RABGGTB: variants seen among roughly 807,000 people sequenced by gnomAD.
RABGGTB encodes geranylgeranyl transferase type-2 subunit beta.
A neutral mutation model predicts 44.5 loss-of-function variants in RABGGTB; 20 were observed. The ratio of observed to expected loss-of-function variants is 0.45; its 90% CI spans 0.32 to 0.65. The LOEUF (loss-of-function observed/expected upper bound fraction) is 0.65, where lower values mean the gene tolerates loss of function less well. Ranked by LOEUF, RABGGTB falls within the 30% of genes least tolerant of loss-of-function variation. The pLI is 0.05. For synonymous variants in RABGGTB, 128 were observed against 136.7 expected (o/e 0.94, Z 0.44); for missense variants, 302 against 398.7 (o/e 0.76, Z 2.06).
intron 4 of RABGGTB, chr1:75,790,314 A>T: frequency 8.1e-7 from 1 of 1,236,420 alleles, no homozygotes; most frequent in Non-Finnish European, 1.0e-6. Flanking sequence ...GTGGCTTTGT[A>T]AAGTTTTTTA....
chr1:75,791,002 C>G (rs1399388696), intron 4 of RABGGTB, among the ~76,000 whole-genome samples: 2 of 152,120 alleles, frequency 1.3e-5, no homozygotes, highest in Non-Finnish European at 2.9e-5. Flanking sequence ...GTTGCCTCGG[C>G]TAGTCTCAAA....
At chr1:75,789,388 A>G (rs1292323937) in intron 3 of RABGGTB, 32 bp downstream of exon 3, 1 of 1,587,028 alleles carries the variant, frequency 6.3e-7, no homozygotes, top group Admixed American at 1.7e-5. Context: ...AACGATCTTG[A>G]TAGTATGTTC....
At chr1:75,789,792 C>T in intron 3 of RABGGTB, 160 bp from the exon 4 acceptor site, 1 of 601,488 alleles carries the variant, frequency 1.7e-6, no homozygotes, top group Non-Finnish European at 2.9e-6. Flanking sequence ...TTTCTTGATA[C>T]TATCTAATTT....
At chr1:75,788,851 C>G (rs572361009) in intron 2 of RABGGTB, 3 of 352,126 alleles carry the variant, frequency 8.5e-6, no homozygotes, top group Admixed American at 8.9e-5. Context: ...CTGAACTTCA[C>G]TGATGAAAAA....
At position 75,786,285 on chromosome 1, in the gene RABGGTB, G is replaced by A. The variant is rs973703212; in HGVS notation, c.3+11G>A. On this transcript the variant is annotated intron_variant, in intron 1 of 8. Transcript: ENST00000319942. ...TCCCTGTTAGACATGGTAAGTGTGA[G>A]TTTAGCGCTGCTGTCCGGATGGGTT... 6 of 1,614,098 alleles carry A rather than the reference G, an allele frequency of 3.7e-6. No individual in the cohort carries two copies. The African/African-American group carries it at 5.3e-5, about 14-fold the overall frequency.
Position 75,792,173 on chromosome 1 carries a change from A to G in RABGGTB, c.580-8A>G. 1.3e-6 allele frequency: 2 copies of G among 1,595,656 alleles called. No individual in the cohort carries two copies. The highest frequency in any genetic ancestry group is 1.7e-6 in the Non-Finnish European group (2 of 1,163,604). On this transcript the variant is annotated splice_region_variant and splice_polypyrimidine_tract_variant and intron_variant, in intron 6 of 8. Coordinates refer to ENST00000319942, the MANE Select transcript of RABGGTB (RefSeq NM_004582.4). ...TTATACACATAAACTTTATGTCTGT[A>G]ATTTTAGATCTATTGTTGCACAGGA...
chr1:75,787,269 C>A, intron 1 of RABGGTB: 1 of 629,394 alleles, frequency 1.6e-6, no homozygotes, highest in Non-Finnish European at 2.9e-6. Flanking sequence ...CTCCGGTCGC[C>A]CAGGATGGAG....
intron 4 of RABGGTB, chr1:75,790,399 G>A: frequency 6.0e-6 from 7 of 1,158,104 alleles, no homozygotes; most frequent in East Asian, 4.2e-5. Context: ...TGAGTGGAGG[G>A]AGGGAATAGA....
intron 8 of RABGGTB, 81 bp from the exon 9 acceptor site, chr1:75,794,429 A>T: frequency 1.4e-6 from 2 of 1,419,694 alleles, no homozygotes; most frequent in Non-Finnish European, 1.9e-6. Context: ...AAATTAGTAT[A>T]TGGTAAAGGT....
chr1:75,791,233 C>T (rs888069659), intron 4 of RABGGTB, 52 bp from the exon 5 acceptor site: 7 of 1,445,462 alleles, frequency 4.8e-6, no homozygotes, highest in African/African-American at 1.4e-5. Context: ...TTTTAGATGA[C>T]TCATGTATGA....
upstream of RABGGTB, chr1:75,786,253 T>C (rs760732932): frequency 1.2e-6 from 2 of 1,614,186 alleles, no homozygotes; most frequent in East Asian, 2.2e-5. Context: ...GACCCTGCTC[T>C]CTCCTTTCCC....
intron 1 of RABGGTB, chr1:75,786,560 G>T: frequency 5.0e-6 from 2 of 402,146 alleles, no homozygotes; most frequent in Non-Finnish European, 8.9e-6. Flanking sequence ...CTGATTGGTG[G>T]CTTTTTTTTT....
Position 75,792,300 on chromosome 1 carries a change from G to GGAGAAGGTATGGTC in RABGGTB, c.705+4_705+5insGGTCGAGAAGGTAT, listed in dbSNP as rs1292492460. The GGAGAAGGTATGGTC allele has an allele frequency of 4.3e-6, 7 of 1,613,556 alleles. No homozygotes were observed. Among genetic ancestry groups the GGAGAAGGTATGGTC allele is most frequent in the Non-Finnish European group, 5.9e-6 (7 of 1,179,698 alleles). On this transcript the variant is annotated frameshift_variant, in exon 7 of 9. Coordinates refer to ENST00000319942, the MANE Select transcript of RABGGTB (RefSeq NM_004582.4). LOFTEE classifies it high-confidence loss of function. ...CCTCAGGCGGGCTCAATGGAAGGCC[G>GGAGAAGGTATGGTC]GAGAAGGTATTGTTTGATAAGCCAT...
upstream of RABGGTB, chr1:75,786,207 G>T: frequency 1.2e-6 from 2 of 1,605,964 alleles, no homozygotes; most frequent in Non-Finnish European, 1.7e-6. Context: ...AGGCGCATCT[G>T]CGCAGGCGCC....
chr1:75,791,530 G>A lies in RABGGTB; in HGVS notation c.538G>A (p.Gly180Arg). The change falls in exon 6 of 9, where the codon GGA becomes AGA. Residue 180 changes from glycine to arginine, a missense_variant. This residue lies in a region of RABGGTB where 213 missense variants were observed against 323.7 expected (regional missense o/e 0.66). Transcript: ENST00000319942. ...FVLSCMNFDG[G>R]FGCRPGSESH... ...TTTATCCTGTATGAACTTTGACGGT[G>A]GATTTGGTTGCAGACCAGGTTCTGA... 1.2e-6 allele frequency: 2 copies of A among 1,612,902 alleles called. No individual in the cohort carries two copies. Among genetic ancestry groups the A allele is most frequent in the Non-Finnish European group, 1.7e-6 (2 of 1,179,956 alleles).
At chr1:75,788,011 ACT>A (rs1361699990) in intron 2 of RABGGTB, 2 of 478,044 alleles carry the variant, frequency 4.2e-6, no homozygotes, top group African/African-American at 2.0e-5. Context: ...TTCGAGGAAA[ACT>A]CTGGGACAAT....
At position 75,794,605 on chromosome 1, in the gene RABGGTB, A is replaced by G; in HGVS notation, c.951A>G (p.Glu317=). 6.2e-7 allele frequency: 1 copy of G among 1,613,290 alleles called. No homozygotes were observed. The highest frequency in any genetic ancestry group is 8.5e-7 in the Non-Finnish European group (1 of 1,179,538). Residue 317 remains glutamate (E), a synonymous_variant, in exon 9 of 9, where the codon GAA becomes GAG. Transcript: ENST00000319942. ...TTAATCCTGTCTTTTGCATGCCTGA[A>G]GAAGTGCTTCAGAGAGTGAATGTTC... is the stretch of plus-strand genomic sequence containing the variant. ...KPVNPVFCMP[E]EVLQRVNVQP...
intron 7 of RABGGTB, 94 bp from the exon 8 acceptor site, chr1:75,793,990 T>C (rs1649709705): frequency 1.8e-6 from 2 of 1,129,268 alleles, no homozygotes; most frequent in Non-Finnish European, 2.5e-6. Context: ...GAACATCAGA[T>C]TACCTAAGAG....
chr1:75,794,296 C>T lies in RABGGTB; in HGVS notation c.855+63C>T, dbSNP rs1318874992. ...CAGCGTTTGCATTACTTCATGGTTC[C>T]ATGGATTTCCAGGGTGGCATTCCGA... On this transcript the variant is annotated intron_variant, in intron 8 of 8. Transcript: ENST00000319942. The T allele has an allele frequency of 2.6e-6, 4 of 1,520,402 alleles. No homozygotes were observed. In the East Asian group the frequency reaches 9.1e-5, roughly 34 times the overall value. The allele number at this position is 1,520,402 out of a possible 1,614,324, so 94.2% of individuals were successfully genotyped here.
Sources: gnomAD v4.1 joint callset for allele counts (sites outside exome capture counted in the v4.1 genomes callset) on GRCh38, gnomAD v4.1.1 for gene constraint, gnomAD v4.1.1 regional missense constraint, MANE v1.5 for transcripts, NCBI Gene and HGNC (gene_info 2026-07-23, HGNC 2026-07-21) for gene names.